Variants in MRPL3 observed in about 807,000 individuals in gnomAD.
MRPL3 encodes the protein large ribosomal subunit protein uL3m.
Under a neutral mutation model 44.3 loss-of-function variants are expected in MRPL3, and 43 were observed. That is an observed-to-expected ratio of 0.97 (90% CI 0.76 to 1.25). The LOEUF (loss-of-function observed/expected upper bound fraction) is 1.25, where lower values mean the gene tolerates loss of function less well. MRPL3 is among the 50% of genes most tolerant of loss of function. MRPL3 has a pLI of 0.00. For missense variants in MRPL3, 406 were observed against 427.6 expected (o/e 0.95, Z 0.45); for synonymous variants, 171 against 152.3 (o/e 1.12, Z -0.91).
At position 131,465,223 on chromosome 3, in the gene MRPL3, G is replaced by A. The variant is rs765736893; in HGVS notation, c.895-2348C>T. 7.9e-5 allele frequency among the ~76,000 whole-genome samples: 12 copies of A among 152,120 alleles called. No homozygotes were observed. In the East Asian group the frequency reaches 1.2e-3, roughly 15 times the overall value. Reference sequence around the variant, plus strand: ...TTTCTCAAAATGTATTTAGACTCCCGTTTCAGAACTCTTTGGTGTATCTTC... The same window carrying A: ...TTTCTCAAAATGTATTTAGACTCCCATTTCAGAACTCTTTGGTGTATCTTC... On this transcript the variant is annotated intron_variant, in intron 9 of 9. Transcript: ENST00000264995.
At chr3:131,471,050 T>A (rs1446782072) in intron 7 of MRPL3, 121 bp downstream of exon 7, 14 of 676,436 alleles carry the variant, frequency 2.1e-5, no homozygotes, top group Non-Finnish European at 3.7e-5. Flanking sequence ...GGGTGACAAG[T>A]ACATGGAGTC....
At position 131,469,909 on chromosome 3, in the gene MRPL3, G is replaced by T. The variant is rs151182461; in HGVS notation, c.739-136C>A. 4 of 560,468 alleles carry T rather than the reference G, an allele frequency of 7.1e-6. No homozygotes were observed. In the African/African-American group the frequency reaches 7.7e-5, roughly 11 times the overall value. 34.7% of individuals were successfully genotyped at this position (560,468 alleles called of 1,614,324 possible). On this transcript the variant is annotated intron_variant, in intron 7 of 9. Transcript: ENST00000264995. ...CCCTATTCTGCTAGGTCCCAAGTAA[G>T]GAACTAAATATGGATTTAGGCATAT...
In MRPL3 at chr3:131,501,725, G is replaced by A; in HGVS notation, c.93-10C>T. ...AAGCCAGATGTGTGTTCTATAAAAA[G>A]AAAAAATAAATAAAACCAAACCACA... On this transcript the variant is annotated splice_polypyrimidine_tract_variant and intron_variant, in intron 1 of 9. Coordinates refer to ENST00000264995, the MANE Select transcript of MRPL3 (RefSeq NM_007208.4). 1 of 1,594,918 alleles carries A rather than the reference G, an allele frequency of 6.3e-7. No individual in the cohort carries two copies. Among genetic ancestry groups the A allele is most frequent in the Non-Finnish European group, 8.5e-7 (1 of 1,173,660 alleles).
chr3:131,501,830 T>C (rs1934504106), intron 1 of MRPL3, 115 bp from the exon 2 acceptor site: 1 of 1,585,410 alleles, frequency 6.3e-7, no homozygotes, highest in Non-Finnish European at 8.6e-7. Context: ...GGAAAGGGCT[T>C]GGATTCTGTA....
chr3:131,500,718 T>C (rs1219599874), intron 2 of MRPL3, among the ~76,000 whole-genome samples, 197 bp from the exon 3 acceptor site: 2 of 152,204 alleles, frequency 1.3e-5, no homozygotes, highest in Non-Finnish European at 2.9e-5. Flanking sequence ...GACATATTGG[T>C]GCTCAATAAA....
intron 6 of MRPL3, among the ~76,000 whole-genome samples, chr3:131,485,361 G>T (rs1934095929): frequency 6.6e-6 from 1 of 152,108 alleles, no homozygotes; most frequent in Middle Eastern, 3.2e-3. Flanking sequence ...ACTTTGCGTG[G>T]TTTCTTAGAA....
intron 4 of MRPL3, 63 bp from the exon 5 acceptor site, chr3:131,490,143 G>A (rs1475011092): frequency 8.4e-7 from 1 of 1,190,116 alleles, no homozygotes; most frequent in African/African-American, 1.5e-5. Flanking sequence ...TAAATGCATG[G>A]AGATCTAAAC....
At chr3:131,469,864 A>ATTAAAATGTT in intron 7 of MRPL3, 91 bp from the exon 8 acceptor site, 1 of 789,108 alleles carries the variant, frequency 1.3e-6, no homozygotes, top group South Asian at 1.9e-5. Context: ...AATATAAATT[A>ATTAAAATGTT]TTAAAATGTT....
chr3:131,498,325 T>A, intron 3 of MRPL3, 48 bp from the exon 4 acceptor site: 1 of 1,262,192 alleles, frequency 7.9e-7, no homozygotes, highest in Non-Finnish European at 1.2e-6. Context: ...ATATATATTT[T>A]AACATTACAA....
intron 2 of MRPL3, among the ~76,000 whole-genome samples, chr3:131,501,277 G>A (rs78741858): frequency 2.0e-5 from 3 of 152,250 alleles, no homozygotes; most frequent in African/African-American, 7.2e-5. Flanking sequence ...GTAAACAAGA[G>A]AATCTATGCA....
intron 1 of MRPL3, among the ~76,000 whole-genome samples, 166 bp downstream of exon 1, chr3:131,502,564 A>G (rs1437204622): frequency 6.6e-6 from 1 of 152,166 alleles, no homozygotes; most frequent in Non-Finnish European, 1.5e-5. Flanking sequence ...TCACCACTTC[A>G]ATCCCCTTAG....
chr3:131,499,503 T>A (rs1934447364), intron 3 of MRPL3, among the ~76,000 whole-genome samples: 1 of 152,210 alleles, frequency 6.6e-6, no homozygotes, highest in Non-Finnish European at 1.5e-5. Flanking sequence ...CCCGCCAGTT[T>A]CTTCAGAGTT....
chr3:131,462,974 T>A, intron 9 of MRPL3, 99 bp from the exon 10 acceptor site: 1 of 979,004 alleles, frequency 1.0e-6, no homozygotes, highest in Non-Finnish European at 1.5e-6. Context: ...CTACTACATT[T>A]TCTAATGTGA....
chr3:131,498,351 A>G (rs932052330), intron 3 of MRPL3, 74 bp from the exon 4 acceptor site: 44 of 883,824 alleles, frequency 5.0e-5, no homozygotes, highest in Non-Finnish European at 7.6e-5. Flanking sequence ...CCCCATTGAG[A>G]CCTTAGGACA....
chr3:131,479,794 G>A lies in MRPL3; in HGVS notation c.629+7886C>T, dbSNP rs573411452. On this transcript the variant is annotated intron_variant, in intron 6 of 9. Coordinates refer to ENST00000264995, the MANE Select transcript of MRPL3 (RefSeq NM_007208.4). ...CAGGAGGCAGAGTTTGCAGTAAGCCGAGATCGCGCCGCTGCACTCCAGCCT... is the reference window on the plus strand; with the variant it reads ...CAGGAGGCAGAGTTTGCAGTAAGCCAAGATCGCGCCGCTGCACTCCAGCCT... 3.3e-5 allele frequency among the ~76,000 whole-genome samples: 5 copies of A among 152,332 alleles called. No individual in the cohort carries two copies. In the South Asian group the frequency reaches 8.3e-4, roughly 25 times the overall value.
intron 5 of MRPL3, among the ~76,000 whole-genome samples, chr3:131,489,145 T>G (rs1019387523): frequency 3.3e-5 from 5 of 152,122 alleles, no homozygotes; most frequent in African/African-American, 1.2e-4. Flanking sequence ...ACCAAATATT[T>G]TAGAACTATC....
chr3:131,481,234 A>G (rs1462743284), intron 6 of MRPL3, among the ~76,000 whole-genome samples: 1 of 152,248 alleles, frequency 6.6e-6, no homozygotes, highest in Non-Finnish European at 1.5e-5. Flanking sequence ...AACTTAATGT[A>G]TTGGAAAACA....
At chr3:131,492,009 T>C (rs1934266060) in intron 4 of MRPL3, among the ~76,000 whole-genome samples, 1 of 152,150 alleles carries the variant, frequency 6.6e-6, no homozygotes, top group African/African-American at 2.4e-5. Context: ...CACTCCCTTA[T>C]TGGCCCAAGA....
At chr3:131,487,612 T>C in intron 6 of MRPL3, 68 bp downstream of exon 6, 2 of 1,223,620 alleles carry the variant, frequency 1.6e-6, no homozygotes, top group Non-Finnish European at 2.4e-6. Flanking sequence ...CTGTACTTCT[T>C]TCACTTATTC....
Sources: gnomAD v4.1 joint callset for allele counts (sites outside exome capture counted in the v4.1 genomes callset) on GRCh38, gnomAD v4.1.1 for gene constraint, MANE v1.5 for transcripts, NCBI Gene and HGNC (gene_info 2026-07-23, HGNC 2026-07-21) for gene names.